ABAT: variants seen among roughly 807,000 people sequenced by gnomAD.
ABAT encodes the protein 4-aminobutyrate aminotransferase.
In ABAT, 45 loss-of-function variants were observed where a neutral mutation model predicts 64.6. That is an observed-to-expected ratio of 0.70 (90% CI 0.55 to 0.89). The LOEUF (loss-of-function observed/expected upper bound fraction) is 0.89, where lower values mean the gene tolerates loss of function less well. ABAT is among the 40% of genes least tolerant of loss of function. The pLI is 0.00. For synonymous variants in ABAT, 297 were observed against 250.5 expected (o/e 1.19, Z -1.75); for missense variants, 633 against 658.4 (o/e 0.96, Z 0.42).
intron 1 of ABAT, among the ~76,000 whole-genome samples, chr16:8,730,682 G>T (rs1001532076): frequency 1.3e-5 from 2 of 152,132 alleles, no homozygotes; most frequent in African/African-American, 4.8e-5. Flanking sequence ...CCACTGTGGG[G>T]CTGGGTAGAG....
intron 1 of ABAT, among the ~76,000 whole-genome samples, chr16:8,703,586 C>G (rs1485094218): frequency 3.9e-5 from 6 of 152,182 alleles, no homozygotes; most frequent in African/African-American, 1.4e-4. Flanking sequence ...AAAGCACACA[C>G]TTTGTGTGTT....
chr16:8,753,086 C>G (rs986409074), intron 5 of ABAT, among the ~76,000 whole-genome samples: 2 of 148,698 alleles, frequency 1.3e-5, no homozygotes, highest in African/African-American at 4.9e-5. Context: ...GCCTCCCAAG[C>G]TTATTCTTTT....
intron 13 of ABAT, among the ~76,000 whole-genome samples, chr16:8,775,426 C>CT (rs1268089887): frequency 6.6e-6 from 1 of 152,178 alleles, no homozygotes; most frequent in Non-Finnish European, 1.5e-5. Flanking sequence ...CCTCATTTGA[C>CT]TAATGAGGAA....
Position 8,764,949 on chromosome 16 carries a change from G to T in ABAT, c.540+119G>T. On this transcript the variant is annotated intron_variant, in intron 8 of 15. Coordinates refer to ENST00000268251, the MANE Select transcript of ABAT (RefSeq NM_020686.6). The surrounding 1 kb of genome is among the most constrained non-coding windows in gnomAD (Gnocchi z 4.2). ...TGGAGTATTAGACATCAGTACCAGG[G>T]TTAAAATACAGGGAGGGCCACTGCT... 1 of 960,580 alleles carries T rather than the reference G, an allele frequency of 1.0e-6. No homozygotes were observed. The allele number at this position is 960,580 out of a possible 1,614,324, so 59.5% of individuals were successfully genotyped here.
At chr16:8,710,727 A>AGAGAGAGAGGAGG (rs146344975) in intron 1 of ABAT, among the ~76,000 whole-genome samples, 1 of 103,700 alleles carries the variant, frequency 9.6e-6, no homozygotes, top group South Asian at 4.0e-4. Flanking sequence ...AGAGAGAGAG[A>AGAGAGAGAGGAGG]GAGGAAATAG....
rs891758705 is a variant in ABAT at position 8,784,226 on chromosome 16, A to AGT, written c.*2797_*2798dup. On this transcript the variant is annotated 3_prime_UTR_variant, in exon 16 of 16. Transcript: ENST00000268251. Reference sequence around the variant, plus strand: ...ATCACTTTTACAGAAAACAAGGTCCAGTAATAGCAAGTCTTAGTACATCCT... The same window carrying AGT: ...ATCACTTTTACAGAAAACAAGGTCCAGTGTAATAGCAAGTCTTAGTACATCCT... The AGT allele has an allele frequency of 9.2e-5, 14 of 152,792 alleles. No homozygotes were observed. The highest frequency in any genetic ancestry group is 3.1e-4 in the African/African-American group (13 of 41,592). 9.5% of individuals were successfully genotyped at this position (152,792 alleles called of 1,614,324 possible). A position where few individuals can be genotyped will look rare whatever the true frequency, so the allele number is the denominator to read the frequency against.
intron 2 of ABAT, among the ~76,000 whole-genome samples, chr16:8,745,020 C>T (rs1273438287): frequency 6.6e-6 from 1 of 152,100 alleles, no homozygotes; most frequent in Non-Finnish European, 1.5e-5. Context: ...CAGCGTCTCA[C>T]TCTGTTGCCC....
chr16:8,677,430 C>G (rs1470138941), intron 1 of ABAT, among the ~76,000 whole-genome samples: 6 of 152,204 alleles, frequency 3.9e-5, no homozygotes, highest in Admixed American at 3.9e-4. Context: ...CTGGTAGTGG[C>G]TGTCTATGGA....
At chr16:8,729,630 G>T (rs2058660316) in intron 1 of ABAT, among the ~76,000 whole-genome samples, 1 of 151,872 alleles carries the variant, frequency 6.6e-6, no homozygotes, top group African/African-American at 2.4e-5. Context: ...ACCAGCCTGG[G>T]CAACACAGCG....
Position 8,735,772 on chromosome 16 carries a change from C to T in ABAT, c.33C>T (p.Ala11=), listed in dbSNP as rs778232601. The part of the protein sequence containing the change: MASMLLAQRL[A]CSFQHSYRLL... ...CCATGTTGCTCGCCCAGCGCCTGGC[C>T]TGCAGCTTCCAGCACAGCTACCGCC... Residue 11 remains alanine (A), a synonymous_variant, in exon 2 of 16, where the codon GCC becomes GCT. Transcript: ENST00000268251. The T allele has an allele frequency of 6.2e-7, 1 of 1,608,118 alleles. No individual in the cohort carries two copies. The highest frequency in any genetic ancestry group is 8.5e-7 in the Non-Finnish European group (1 of 1,177,606).
chr16:8,778,151 A>T (rs532710199), intron 14 of ABAT, among the ~76,000 whole-genome samples: 2 of 152,240 alleles, frequency 1.3e-5, no homozygotes, highest in Admixed American at 1.3e-4. Flanking sequence ...GACAGCAGAG[A>T]GTAAGGTGAA....
At chr16:8,696,536 C>T (rs1406274868) in intron 1 of ABAT, among the ~76,000 whole-genome samples, 1 of 152,162 alleles carries the variant, frequency 6.6e-6, no homozygotes, top group Admixed American at 6.5e-5. Context: ...AGGAGAATCA[C>T]TTGAAAGGAG....
chr16:8,755,982 G>A (rs570739877), intron 5 of ABAT, among the ~76,000 whole-genome samples: 1 of 152,230 alleles, frequency 6.6e-6, no homozygotes, highest in South Asian at 2.1e-4. Context: ...CCAGGAGGCG[G>A]AGCTTGCAGT....
rs1160144275 is a variant in ABAT, at chr16:8,749,386, C to CTTTTTTTTTTTTT, written c.199-1018_199-1006dup. ...ACAGGCGTGAGCCACCGCACCCGGC[C>CTTTTTTTTTTTTT]TTTTTTTTTTTTTTTTTTTTTTTTT... On this transcript the variant is annotated intron_variant, in intron 4 of 15. Transcript: ENST00000268251. 1.6e-4 allele frequency among the ~76,000 whole-genome samples: 5 copies of CTTTTTTTTTTTTT among 32,016 alleles called. 1 individual carries two copies. The highest frequency in any genetic ancestry group is 1.2e-3 in the East Asian group (1 of 840). The allele number at this position is 32,016 out of a possible 152,430, so 21.0% of individuals were successfully genotyped here.
chr16:8,778,467 T>A (rs1299586421), intron 14 of ABAT, among the ~76,000 whole-genome samples: 4 of 152,160 alleles, frequency 2.6e-5, no homozygotes, highest in Non-Finnish European at 4.4e-5. Flanking sequence ...CAGATTGTCT[T>A]CTTCTTATAA....
At chr16:8,760,422 C>G (rs116607434) in intron 6 of ABAT, 10 of 152,222 alleles carry the variant, frequency 6.6e-5, no homozygotes, top group African/African-American at 2.4e-4. Context: ...ACGTACTTCA[C>G]TTTAAATAAA....
At chr16:8,772,615 C>T (rs2060145920) in intron 11 of ABAT, among the ~76,000 whole-genome samples, 165 bp from the exon 12 acceptor site, 2 of 152,230 alleles carry the variant, frequency 1.3e-5, no homozygotes, top group Non-Finnish European at 2.9e-5. Flanking sequence ...GATACATTCC[C>T]ATCCACACAC....
At chr16:8,743,425 A>T (rs1020999633) in intron 2 of ABAT, among the ~76,000 whole-genome samples, 3 of 62,094 alleles carry the variant, frequency 4.8e-5, no homozygotes, top group African/African-American at 1.1e-4. Context: ...GGAAACAGTT[A>T]TATATATATA....
At chr16:8,723,270 G>A (rs1009254018) in intron 1 of ABAT, among the ~76,000 whole-genome samples, 11 of 152,128 alleles carry the variant, frequency 7.2e-5, no homozygotes, top group Non-Finnish European at 1.5e-4. Flanking sequence ...AGGCTATTTA[G>A]GATATCATTG....
Sources: gnomAD v4.1 joint callset for allele counts (sites outside exome capture counted in the v4.1 genomes callset) on GRCh38, gnomAD v4.1.1 for gene constraint, Gnocchi (gnomAD v3.1) non-coding constraint, MANE v1.5 for transcripts, NCBI Gene and HGNC (gene_info 2026-07-23, HGNC 2026-07-21) for gene names.